The following GRIK3 variants were observed in gnomAD, a reference collection of about 807,000 sequenced individuals.
GRIK3 encodes glutamate ionotropic receptor kainate type subunit 3.
In GRIK3, 29 loss-of-function variants were observed where a neutral mutation model predicts 102.5. The observed-to-expected ratio is 0.28, with a 90% CI of 0.21 to 0.39. The LOEUF is 0.39. Ranked by LOEUF, GRIK3 falls within the 10% of genes least tolerant of loss-of-function variation. GRIK3 has a pLI of 1.00. For missense variants in GRIK3, 908 were observed against 1,252.4 expected (o/e 0.73, Z 4.15); for synonymous variants, 511 against 504.9 (o/e 1.01, Z -0.16).
At chr1:36,876,429 G>A (rs779076084) in intron 3 of GRIK3, among the ~76,000 whole-genome samples, 7 of 152,204 alleles carry the variant, frequency 4.6e-5, no homozygotes, top group East Asian at 1.9e-4. Context: ...TGCATGCTCC[G>A]AGCTTCAGCA....
rs538477937 is a variant in GRIK3 at position 36,818,911 on chromosome 1, T to C, written c.1873+825A>G. On this transcript the variant is annotated intron_variant, in intron 12 of 15. Coordinates refer to ENST00000373091, the MANE Select transcript of GRIK3 (RefSeq NM_000831.4). Reference sequence around the variant, plus strand: ...TCCCTAAGATAAGAGACTCTGGACATGGGACTCCACCTGCAGAGGGAGTGA... The same window carrying C: ...TCCCTAAGATAAGAGACTCTGGACACGGGACTCCACCTGCAGAGGGAGTGA... Among the ~76,000 whole-genome samples the C allele has an allele frequency of 5.6e-4, 86 of 152,306 alleles. 1 individual carries two copies. Among genetic ancestry groups the C allele is most frequent in the African/African-American group, 2.0e-3 (84 of 41,578 alleles).
In GRIK3 at chr1:36,920,179, A is replaced by G. The variant is rs1386194515; in HGVS notation, c.116-29083T>C. On this transcript the variant is annotated intron_variant, in intron 1 of 15. Transcript: ENST00000373091. ...TTGCCCTGTCTGGCTCACTTATCTAATGCCTCTTCTCTAGAGGGACCAGAG... is the reference window on the plus strand; with the variant it reads ...TTGCCCTGTCTGGCTCACTTATCTAGTGCCTCTTCTCTAGAGGGACCAGAG... Among the ~76,000 whole-genome samples the G allele has an allele frequency of 4.6e-5, 7 of 152,284 alleles. No individual in the cohort carries two copies. In the East Asian group the frequency reaches 1.3e-3, roughly 29 times the overall value.
intron 1 of GRIK3, among the ~76,000 whole-genome samples, chr1:36,972,772 G>A (rs1308696224): frequency 1.3e-5 from 2 of 152,220 alleles, no homozygotes; most frequent in African/African-American, 4.8e-5. Context: ...GAGAGGAAAA[G>A]TGACTCACCC....
At chr1:36,820,848 C>G (rs955277173) in intron 11 of GRIK3, among the ~76,000 whole-genome samples, 1 of 152,172 alleles carries the variant, frequency 6.6e-6, no homozygotes, top group African/African-American at 2.4e-5. Flanking sequence ...CACCTACTGC[C>G]TTCTAAGGAA....
At chr1:36,804,701 T>C (rs1003886483) in intron 15 of GRIK3, 2 of 516,794 alleles carry the variant, frequency 3.9e-6, no homozygotes, top group East Asian at 3.1e-5. Flanking sequence ...CTGTGTGAAT[T>C]GTGGATGGTG....
intron 5 of GRIK3, among the ~76,000 whole-genome samples, chr1:36,869,389 C>T (rs1424109251): frequency 6.6e-6 from 1 of 152,198 alleles, no homozygotes; most frequent in Non-Finnish European, 1.5e-5. Flanking sequence ...CCAGGCACTG[C>T]GTGTTACCTT....
In GRIK3 at chr1:37,027,398, TG is replaced by T. The variant is rs1195095186; in HGVS notation, c.115+6595del. Among the ~76,000 whole-genome samples the T allele has an allele frequency of 2.6e-5, 4 of 151,976 alleles. No homozygotes were observed. The East Asian group carries it at 7.8e-4, about 29-fold the overall frequency. On this transcript the variant is annotated intron_variant, in intron 1 of 15. Transcript: ENST00000373091. ...TTTGTCTCTGGAGCACAAAGATAAG[TG>T]GGAGGAAAAGCATACTCCAGAAGCA...
chr1:36,847,551 T>G (rs1640532997), intron 9 of GRIK3, among the ~76,000 whole-genome samples: 1 of 152,234 alleles, frequency 6.6e-6, no homozygotes, highest in Admixed American at 6.5e-5. Flanking sequence ...GCATGCTGTA[T>G]TCAAGCTGAG....
chr1:36,837,170 C>T (rs1311092706), intron 10 of GRIK3, among the ~76,000 whole-genome samples: 1 of 152,126 alleles, frequency 6.6e-6, no homozygotes, highest in Non-Finnish European at 1.5e-5. Flanking sequence ...CTCCACCTCC[C>T]AGGCTCCCTG....
intron 1 of GRIK3, among the ~76,000 whole-genome samples, chr1:36,976,760 T>C (rs1642200275): frequency 6.6e-6 from 1 of 152,176 alleles, no homozygotes; most frequent in South Asian, 2.1e-4. Context: ...TTCAATTCTA[T>C]ACCAGCACAG....
rs1157206777 is a variant in GRIK3 at position 36,805,035 on chromosome 1, G to A, written c.2517C>T (p.Ala839=). The A allele has an allele frequency of 3.1e-6, 5 of 1,613,958 alleles. No homozygotes were observed. In the East Asian group the frequency reaches 8.9e-5, roughly 29 times the overall value. ...GGAGCTTGTACACAAACTCGCCCAC[G>A]GCCACCAGCACAGAGAGGACCAGCC... The part of the protein sequence containing the change: ...AAGLVLSVLV[A]VGEFVYKLRK... Residue 839 remains alanine, a synonymous_variant, in exon 15 of 16, where the codon GCC becomes GCT. Coordinates refer to ENST00000373091, the MANE Select transcript of GRIK3 (RefSeq NM_000831.4).
intron 4 of GRIK3, among the ~76,000 whole-genome samples, chr1:36,870,516 C>T (rs537011345): frequency 3.3e-5 from 5 of 152,340 alleles, no homozygotes; most frequent in South Asian, 2.1e-4. Flanking sequence ...AAAATGTCAC[C>T]GGTTCAAGTA....
chr1:36,856,741 G>A (rs1406132091), intron 7 of GRIK3, among the ~76,000 whole-genome samples: 3 of 152,200 alleles, frequency 2.0e-5, no homozygotes, highest in Non-Finnish European at 2.9e-5. Context: ...GGCCTGGGAA[G>A]GAGAATGGAG....
chr1:37,016,184 C>A (rs1642650666), intron 1 of GRIK3, among the ~76,000 whole-genome samples: 1 of 152,186 alleles, frequency 6.6e-6, no homozygotes, highest in South Asian at 2.1e-4. Context: ...ACTTGTCTGG[C>A]ACTTATTAAT....
intron 1 of GRIK3, among the ~76,000 whole-genome samples, chr1:36,898,371 A>G (rs1641196927): frequency 6.6e-6 from 1 of 152,182 alleles, no homozygotes; most frequent in African/African-American, 2.4e-5. Context: ...GCATGCCTGT[A>G]TGCCTTACAA....
At chr1:36,827,927 C>T (rs1221691020) in intron 10 of GRIK3, among the ~76,000 whole-genome samples, 1 of 152,084 alleles carries the variant, frequency 6.6e-6, no homozygotes, top group Non-Finnish European at 1.5e-5. Flanking sequence ...GGAGGAGGAG[C>T]CTATTAGAAA....
At chr1:36,993,995 T>A (rs1642389467) in intron 1 of GRIK3, among the ~76,000 whole-genome samples, 1 of 152,132 alleles carries the variant, frequency 6.6e-6, no homozygotes, top group African/African-American at 2.4e-5. Context: ...TCCTAATACA[T>A]ACCCTGCCAG....
At chr1:36,937,678 T>C (rs577630342) in intron 1 of GRIK3, among the ~76,000 whole-genome samples, 1 of 151,848 alleles carries the variant, frequency 6.6e-6, no homozygotes, top group African/African-American at 2.4e-5. Context: ...AGGAAATAAG[T>C]AAGACTCAAA....
intron 1 of GRIK3, among the ~76,000 whole-genome samples, chr1:36,934,328 C>G (rs1227937519): frequency 6.6e-6 from 1 of 152,242 alleles, no homozygotes; most frequent in Admixed American, 6.5e-5. Flanking sequence ...ACTCCCATGA[C>G]ATTGCTCTCT....
Sources: gnomAD v4.1 joint callset for allele counts (sites outside exome capture counted in the v4.1 genomes callset) on GRCh38, gnomAD v4.1.1 for gene constraint, MANE v1.5 for transcripts, NCBI Gene and HGNC (gene_info 2026-07-23, HGNC 2026-07-21) for gene names.